LHFPL3: variants seen among roughly 807,000 people sequenced by gnomAD.
LHFPL3 encodes the protein LHFPL tetraspan subfamily member 3 protein.
LHFPL3 carries 5 observed loss-of-function variants against 19.3 expected under a neutral mutation model. That is an observed-to-expected ratio of 0.26 (90% CI 0.14 to 0.54). The LOEUF is 0.54. Ranked by LOEUF, LHFPL3 falls within the 20% of genes least tolerant of loss-of-function variation. The pLI, the probability that LHFPL3 is intolerant of heterozygous loss-of-function variation, is 0.94. For synonymous variants in LHFPL3, 133 were observed against 126.2 expected (o/e 1.05, Z -0.36); for missense variants, 249 against 307.4 (o/e 0.81, Z 1.42).
At chr7:104,809,648 A>G (rs753311443) in intron 2 of LHFPL3, among the ~76,000 whole-genome samples, 1 of 152,228 alleles carries the variant, frequency 6.6e-6, no homozygotes, top group Non-Finnish European at 1.5e-5. Context: ...GTATCATATA[A>G]CATACGATTT....
Position 104,480,057 on chromosome 7 carries a change from C to T in LHFPL3, c.445+150833C>T, listed in dbSNP as rs186266687. Among the ~76,000 whole-genome samples, 453 of 152,270 alleles carry T rather than the reference C, an allele frequency of 3.0e-3. 4 individuals are homozygous for T. Among genetic ancestry groups the T allele is most frequent in the Admixed American group, 0.022 (344 of 15,306 alleles). ...CATCAGAGTTTTATACCAGATCAGA[C>T]ATCTGGAATCATTTCATCATGGATA... is the stretch of plus-strand genomic sequence containing the variant. On this transcript the variant is annotated intron_variant, in intron 1 of 2. Transcript: ENST00000424859.
At chr7:104,437,674 C>T (rs1792137230) in intron 1 of LHFPL3, among the ~76,000 whole-genome samples, 1 of 152,082 alleles carries the variant, frequency 6.6e-6, no homozygotes, top group Non-Finnish European at 1.5e-5. Context: ...TTTTGCTTTA[C>T]CATCACCCAT....
At chr7:104,805,204 A>G (rs1790334837) in intron 2 of LHFPL3, among the ~76,000 whole-genome samples, 1 of 152,216 alleles carries the variant, frequency 6.6e-6, no homozygotes, top group Middle Eastern at 3.2e-3. Flanking sequence ...CAGATTCCTC[A>G]GGACTTAACC....
intron 1 of LHFPL3, among the ~76,000 whole-genome samples, chr7:104,596,914 G>A (rs1790874118): frequency 6.6e-6 from 1 of 152,100 alleles, no homozygotes; most frequent in African/African-American, 2.4e-5. Flanking sequence ...ACTCATCTTT[G>A]TTCATCCATT....
intron 2 of LHFPL3, among the ~76,000 whole-genome samples, chr7:104,857,966 G>C (rs1791541796): frequency 2.0e-5 from 3 of 152,206 alleles, no homozygotes; most frequent in Admixed American, 1.3e-4. Context: ...TCAAGTTAAA[G>C]TCAAGTAGGT....
intron 2 of LHFPL3, among the ~76,000 whole-genome samples, chr7:104,892,278 C>T (rs550989564): frequency 2.0e-5 from 3 of 152,224 alleles, no homozygotes; most frequent in African/African-American, 7.2e-5. Flanking sequence ...GAATGTTTAG[C>T]TTTTTATTTC....
intron 1 of LHFPL3, among the ~76,000 whole-genome samples, chr7:104,693,794 G>GTT (rs71155519): frequency 6.1e-5 from 9 of 146,556 alleles, no homozygotes; most frequent in Non-Finnish European, 1.0e-4. Flanking sequence ...TAATTGTGGG[G>GTT]TTTTTTTTTT....
intron 2 of LHFPL3, among the ~76,000 whole-genome samples, chr7:104,883,003 T>G (rs914540887): frequency 6.6e-6 from 1 of 152,212 alleles, no homozygotes; most frequent in Non-Finnish European, 1.5e-5. Flanking sequence ...GTTTGAGACT[T>G]ACTTATACTA....
chr7:104,393,766 A>G (rs868746769), intron 1 of LHFPL3, among the ~76,000 whole-genome samples: 16 of 152,304 alleles, frequency 1.1e-4, no homozygotes, highest in African/African-American at 3.6e-4. Flanking sequence ...TTATTCAGTA[A>G]TAAAAAGGAA....
intron 1 of LHFPL3, among the ~76,000 whole-genome samples, chr7:104,550,042 G>C (rs1028473930): frequency 1.3e-5 from 2 of 152,044 alleles, no homozygotes; most frequent in African/African-American, 4.8e-5. Flanking sequence ...AAATCTGCAG[G>C]ACGAGCCAGC....
At chr7:104,607,481 A>T (rs1292485732) in intron 1 of LHFPL3, among the ~76,000 whole-genome samples, 1 of 152,204 alleles carries the variant, frequency 6.6e-6, no homozygotes, top group Non-Finnish European at 1.5e-5. Flanking sequence ...ATGTCTACCA[A>T]AGGCTTTGCA....
chr7:104,650,917 T>C (rs898031587), intron 1 of LHFPL3, among the ~76,000 whole-genome samples: 2 of 152,136 alleles, frequency 1.3e-5, no homozygotes, highest in African/African-American at 4.8e-5. Flanking sequence ...GAGAGTTTGG[T>C]TAAAAAAAAT....
At chr7:104,441,928 C>T (rs983825641) in intron 1 of LHFPL3, among the ~76,000 whole-genome samples, 2 of 152,162 alleles carry the variant, frequency 1.3e-5, no homozygotes, top group Non-Finnish European at 2.9e-5. Flanking sequence ...ATTGCTGGAA[C>T]ATACGTCAGT....
intron 1 of LHFPL3, among the ~76,000 whole-genome samples, chr7:104,462,193 G>A (rs1370619410): frequency 1.3e-5 from 2 of 151,986 alleles, no homozygotes; most frequent in African/African-American, 4.8e-5. Context: ...TGCAAACAGG[G>A]AAAATTTGAC....
intron 1 of LHFPL3, among the ~76,000 whole-genome samples, chr7:104,732,703 G>T (rs925580809): frequency 2.0e-5 from 3 of 152,066 alleles, no homozygotes; most frequent in African/African-American, 7.2e-5. Flanking sequence ...TTTTTGAAGG[G>T]TTTTTTATGT....
chr7:104,477,690 A>C (rs1218206195), intron 1 of LHFPL3, among the ~76,000 whole-genome samples: 1 of 152,004 alleles, frequency 6.6e-6, no homozygotes, highest in Non-Finnish European at 1.5e-5. Flanking sequence ...TGTACAACAA[A>C]CCCCCATGAC....
rs1042074686 is a variant in LHFPL3, at chr7:104,728,302, G to T, written c.446-8373G>T. Among the ~76,000 whole-genome samples the T allele has an allele frequency of 4.5e-4, 69 of 152,086 alleles. 1 individual carries two copies. Among genetic ancestry groups the T allele is most frequent in the African/African-American group, 1.6e-3 (66 of 41,402 alleles). On this transcript the variant is annotated intron_variant, in intron 1 of 2. Coordinates refer to ENST00000424859, the MANE Select transcript of LHFPL3 (RefSeq NM_199000.3). ...GTTGCGGTAAGGCAAGAGTTATATA[G>T]CAACCCTCTTGCTAGCTTCAGGAAT... is the stretch of plus-strand genomic sequence containing the variant.
chr7:104,393,439 T>C (rs1442696400), intron 1 of LHFPL3, among the ~76,000 whole-genome samples: 2 of 152,182 alleles, frequency 1.3e-5, no homozygotes, highest in East Asian at 3.9e-4. Context: ...AATGTCAGGC[T>C]GGGCATGGTG....
intron 2 of LHFPL3, among the ~76,000 whole-genome samples, chr7:104,823,097 C>T (rs2470932): frequency 0.23 from 34,435 of 152,068 alleles, 4,025 homozygotes; most frequent in Middle Eastern, 0.31. Flanking sequence ...GAGCCATGAT[C>T]GTGTATGCTA....
Sources: gnomAD v4.1 joint callset for allele counts (sites outside exome capture counted in the v4.1 genomes callset) on GRCh38, gnomAD v4.1.1 for gene constraint, MANE v1.5 for transcripts, NCBI Gene and HGNC (gene_info 2026-07-23, HGNC 2026-07-21) for gene names.